Variants in SPATA31F1 observed in about 807,000 individuals in gnomAD.
SPATA31F1 encodes SPATA31 subfamily F member 1, also known as protein SPATA31F1.
At chr9:34,729,417 G>C in the SPATA31F1 span, 6 of 1,549,722 alleles carry the variant, frequency 3.9e-6, no homozygotes, top group Non-Finnish European at 4.4e-6. Flanking sequence ...AACAAAAGTA[G>C]GGCTCAACAT....
chr9:34,723,553 T>A, the SPATA31F1 span: 1 of 1,551,828 alleles, frequency 6.4e-7, no homozygotes, highest in African/African-American at 1.4e-5. Context: ...CCTCATGCCC[T>A]TTGCCTTTTG....
chr9:34,723,080 A>C, the SPATA31F1 span: 1 of 855,172 alleles, frequency 1.2e-6, no homozygotes, highest in Non-Finnish European at 1.8e-6. Context: ...GTGTATTTCT[A>C]GTGGCATCTG....
chr9:34,724,928 T>C, the SPATA31F1 span: 5 of 1,551,256 alleles, frequency 3.2e-6, no homozygotes, highest in Non-Finnish European at 4.4e-6. Context: ...CTCCAGTTTC[T>C]CAATGGCTTC....
At chr9:34,723,559 T>A in the SPATA31F1 span, 1 of 1,551,794 alleles carries the variant, frequency 6.4e-7, no homozygotes, top group Non-Finnish European at 8.7e-7. Context: ...GCCCTTTGCC[T>A]TTTGTCTTGG....
At chr9:34,727,022 AG>A in the SPATA31F1 span, 1 of 1,532,166 alleles carries the variant, frequency 6.5e-7, no homozygotes, top group Non-Finnish European at 8.8e-7. Flanking sequence ...TTAACGATGG[AG>A]TGACATCTGC....
At chr9:34,726,080 T>C in the SPATA31F1 span, 1 of 1,500,636 alleles carries the variant, frequency 6.7e-7, no homozygotes, top group Admixed American at 2.0e-5. Context: ...TTGCTGACAG[T>C]GGTGTCTTTG....
the SPATA31F1 span, among the ~76,000 whole-genome samples, chr9:34,727,335 T>C: frequency 6.6e-6 from 1 of 152,200 alleles, no homozygotes; most frequent in Non-Finnish European, 1.5e-5. Context: ...ACCAGGAACA[T>C]CACCAGTTAG....
At chr9:34,729,282 A>G in the SPATA31F1 span, 4 of 1,551,740 alleles carry the variant, frequency 2.6e-6, no homozygotes, top group Non-Finnish European at 3.5e-6. Flanking sequence ...TCACAGCCCT[A>G]CCCGGCAGCA....
the SPATA31F1 span, chr9:34,724,247 G>T: frequency 6.4e-7 from 1 of 1,551,488 alleles, no homozygotes; most frequent in Non-Finnish European, 8.7e-7. Flanking sequence ...GTCCCCACTG[G>T]GCTGTGAGAT....
chr9:34,726,562 C>T, the SPATA31F1 span: 2 of 1,551,896 alleles, frequency 1.3e-6, no homozygotes, highest in African/African-American at 1.4e-5. Context: ...CCCTTGGCTT[C>T]TCAATCCTTG....
At chr9:34,725,767 AG>A in the SPATA31F1 span, 1 of 1,549,756 alleles carries the variant, frequency 6.5e-7, no homozygotes, top group Non-Finnish European at 8.7e-7. Flanking sequence ...AAAGTGGGGA[AG>A]AGGGTGGGGC....
At chr9:34,723,247 T>C in the SPATA31F1 span, 1 of 1,551,576 alleles carries the variant, frequency 6.4e-7, no homozygotes, top group South Asian at 1.2e-5. Flanking sequence ...TTGGGTGCCC[T>C]GGTTTGTTGG....
chr9:34,724,170 G>A, the SPATA31F1 span: 5 of 1,551,108 alleles, frequency 3.2e-6, no homozygotes, highest in African/African-American at 5.5e-5. Context: ...GGGCCACAGG[G>A]TTCCTCCAGG....
chr9:34,725,897 A>G, the SPATA31F1 span: 8 of 1,552,072 alleles, frequency 5.2e-6, no homozygotes, highest in African/African-American at 2.7e-5. Flanking sequence ...AGATCCCATG[A>G]AAGTGGCAAC....
At chr9:34,729,194 T>C in the SPATA31F1 span, 1 of 1,421,792 alleles carries the variant, frequency 7.0e-7, no homozygotes, top group South Asian at 1.5e-5. Context: ...GCTATAAAAA[T>C]TCTGGGGTGG....
the SPATA31F1 span, chr9:34,725,815 G>A: frequency 2.8e-5 from 43 of 1,549,914 alleles, no homozygotes; most frequent in East Asian, 5.9e-4. Flanking sequence ...GTTGGGGGAA[G>A]GAGAGCTCAT....
At chr9:34,727,957 G>T in the SPATA31F1 span, 1 of 1,473,484 alleles carries the variant, frequency 6.8e-7, no homozygotes, top group South Asian at 1.3e-5. Context: ...CCTGCCCCAG[G>T]CCAAGCCAAG....
At chr9:34,729,144 T>C in the SPATA31F1 span, 1 of 1,054,972 alleles carries the variant, frequency 9.5e-7, no homozygotes, top group Non-Finnish European at 1.3e-6. Flanking sequence ...AATTATAGTC[T>C]CTGAGAAGAA....
chr9:34,723,753 G>A, the SPATA31F1 span: 10 of 1,551,746 alleles, frequency 6.4e-6, no homozygotes, highest in Non-Finnish European at 8.7e-6. Flanking sequence ...GAAGCCTGGG[G>A]CAACACAGTC....
Sources: gnomAD v4.1 joint callset for allele counts (sites outside exome capture counted in the v4.1 genomes callset) on GRCh38, gnomAD v4.1.1 for gene constraint, MANE v1.5 for transcripts, NCBI Gene and HGNC (gene_info 2026-07-23, HGNC 2026-07-21) for gene names.